SCNN1G: variants seen among roughly 807,000 people sequenced by gnomAD.
SCNN1G encodes the protein epithelial sodium channel subunit gamma.
In SCNN1G, 27 loss-of-function variants were observed where a neutral mutation model predicts 64.6. The ratio of observed to expected loss-of-function variants is 0.42; its 90% CI spans 0.31 to 0.58. The LOEUF (loss-of-function observed/expected upper bound fraction) is 0.58. SCNN1G is among the 20% of genes least tolerant of loss of function. The pLI is 0.18. For missense variants in SCNN1G, 743 were observed against 823.4 expected, an observed-to-expected ratio of 0.90 and a Z score of 1.19; for synonymous variants, 330 against 314.2, an observed-to-expected ratio of 1.05 and a Z score of -0.53.
chr16:23,191,625 C>T (rs58967626), intron 3 of SCNN1G, among the ~76,000 whole-genome samples: 22,355 of 152,078 alleles, frequency 0.15, 2,081 homozygotes, highest in Admixed American at 0.24. Flanking sequence ...GGGGTTTAGC[C>T]GTGTTGCCCG....
chr16:23,203,203 T>C (rs986520123), intron 6 of SCNN1G, among the ~76,000 whole-genome samples: 3 of 152,170 alleles, frequency 2.0e-5, no homozygotes, highest in Non-Finnish European at 4.4e-5. Context: ...GGCAAAAGTA[T>C]TCTCTGGTTT....
chr16:23,209,060 T>C (rs1960037977), intron 6 of SCNN1G, among the ~76,000 whole-genome samples: 2 of 152,184 alleles, frequency 1.3e-5, no homozygotes, highest in Admixed American at 1.3e-4. Flanking sequence ...TATTTTGCCA[T>C]TTTCAGCCAT....
chr16:23,186,127 T>A, intron 1 of SCNN1G, 101 bp from the exon 2 acceptor site: 1 of 756,984 alleles, frequency 1.3e-6, no homozygotes, highest in Non-Finnish European at 2.4e-6. Context: ...AGGAGGTCTC[T>A]AAGGGCGCAT....
At chr16:23,197,992 CACTA>C (rs1959825628) in intron 6 of SCNN1G, among the ~76,000 whole-genome samples, 1 of 152,282 alleles carries the variant, frequency 6.6e-6, no homozygotes. Flanking sequence ...GGCATTAGGA[CACTA>C]ACTATATATT....
chr16:23,192,290 G>GTA, intron 3 of SCNN1G, 62 bp from the exon 4 acceptor site: 10 of 1,332,688 alleles, frequency 7.5e-6, no homozygotes, highest in Non-Finnish European at 1.1e-5. Context: ...CATTCTTATG[G>GTA]TCCTTCTGAA....
In SCNN1G at chr16:23,194,533, C is replaced by G. The variant is rs376953647; in HGVS notation, c.913+259C>G. 3.3e-5 allele frequency among the ~76,000 whole-genome samples: 5 copies of G among 152,328 alleles called. No individual in the cohort carries two copies. The South Asian group carries it at 6.2e-4, about 19-fold the overall frequency. ...AGGGACATCACTGGGGTTCCTTCTGCTAGGGAACTACTCTGGTTTAAACTC... is the reference window on the plus strand; with the variant it reads ...AGGGACATCACTGGGGTTCCTTCTGGTAGGGAACTACTCTGGTTTAAACTC... On this transcript the variant is annotated intron_variant, in intron 5 of 12. Transcript: ENST00000300061.
intron 6 of SCNN1G, among the ~76,000 whole-genome samples, chr16:23,204,543 A>C (rs1256103419): frequency 6.8e-6 from 1 of 147,686 alleles, no homozygotes; most frequent in Non-Finnish European, 1.5e-5. Flanking sequence ...ATTATACACT[A>C]CTAGTACATT....
At chr16:23,206,070 A>G (rs1959985381) in intron 6 of SCNN1G, among the ~76,000 whole-genome samples, 1 of 152,218 alleles carries the variant, frequency 6.6e-6, no homozygotes, top group Non-Finnish European at 1.5e-5. Flanking sequence ...CTGGGAAACC[A>G]GCCTGCTTAC....
chr16:23,186,245 T>C lies in SCNN1G; in HGVS notation c.-27T>C. ...CCCTCCAGCACGCCCGTCCTCAGAG[T>C]CCCGTCCTCAAAGTCCCATCCTCGC... On this transcript the variant is annotated 5_prime_UTR_variant, in exon 2 of 13. Transcript: ENST00000300061. 6.2e-7 allele frequency: 1 copy of C among 1,612,872 alleles called. No homozygotes were observed. The highest frequency in any genetic ancestry group is 8.5e-7 in the Non-Finnish European group (1 of 1,179,146).
chr16:23,203,168 A>G (rs1959920186), intron 6 of SCNN1G, among the ~76,000 whole-genome samples: 1 of 152,346 alleles, frequency 6.6e-6, no homozygotes, highest in Admixed American at 6.5e-5. Flanking sequence ...AAGCAAGTAC[A>G]GTCGAGAGGT....
chr16:23,184,771 G>T (rs895973103), intron 1 of SCNN1G, among the ~76,000 whole-genome samples: 1 of 152,104 alleles, frequency 6.6e-6, no homozygotes, highest in Non-Finnish European at 1.5e-5. Context: ...AACTCTGCAG[G>T]TTCCGAATAC....
chr16:23,209,653 G>A (rs1960046590), intron 6 of SCNN1G, 97 bp from the exon 7 acceptor site: 1 of 870,248 alleles, frequency 1.1e-6, no homozygotes, highest in Non-Finnish European at 2.0e-6. Flanking sequence ...CAGCTCCCAA[G>A]GGCTGCTTGC....
At position 23,192,080 on chromosome 16, in the gene SCNN1G, G is replaced by A. The variant is rs1283370409; in HGVS notation, c.619-272G>A. Among the ~76,000 whole-genome samples the A allele has an allele frequency of 2.0e-5, 3 of 149,806 alleles. No individual in the cohort carries two copies. The Admixed American group carries it at 2.0e-4, about 10-fold the overall frequency. On this transcript the variant is annotated intron_variant, in intron 3 of 12. Coordinates refer to ENST00000300061, the MANE Select transcript of SCNN1G (RefSeq NM_001039.4). ...CCTAGGTGCCTAGGGACCCTGAAGAGCTGGTTTTGCTTCTTCCTTGGTGGG... is the reference window on the plus strand; with the variant it reads ...CCTAGGTGCCTAGGGACCCTGAAGAACTGGTTTTGCTTCTTCCTTGGTGGG...
chr16:23,187,241 T>C (rs1427798159), intron 2 of SCNN1G, among the ~76,000 whole-genome samples: 6 of 151,942 alleles, frequency 3.9e-5, no homozygotes, highest in Non-Finnish European at 7.4e-5. Context: ...CCTGAGTAGC[T>C]GGGACTATAG....
chr16:23,183,812 GTTA>G (rs1333765407), intron 1 of SCNN1G, among the ~76,000 whole-genome samples: 1 of 152,154 alleles, frequency 6.6e-6, no homozygotes, highest in Non-Finnish European at 1.5e-5. Context: ...CCCTGCTGCT[GTTA>G]TTATTATTAA....
At chr16:23,191,111 C>T (rs1292236545) in intron 3 of SCNN1G, among the ~76,000 whole-genome samples, 2 of 152,086 alleles carry the variant, frequency 1.3e-5, no homozygotes, top group East Asian at 3.9e-4. Context: ...TCCCAAACTG[C>T]TGAGATTACA....
At chr16:23,185,111 T>A (rs140760127) in intron 1 of SCNN1G, among the ~76,000 whole-genome samples, 21 of 152,332 alleles carry the variant, frequency 1.4e-4, no homozygotes, top group African/African-American at 4.8e-4. Flanking sequence ...CGGTGAAGGC[T>A]GCAGGGTTCC....
rs1462698431 is a variant in SCNN1G, at chr16:23,215,160, C to T, written c.1641C>T (p.Ile547=). The part of the protein sequence containing the change: ...LWMSCSVVCV[I]EIIEVFFIDF... ...TGAGCTGCTCTGTTGTCTGCGTCATCGAGATCATCGAGGTCTTCTTCATTG... is the reference window on the plus strand; with the variant it reads ...TGAGCTGCTCTGTTGTCTGCGTCATTGAGATCATCGAGGTCTTCTTCATTG... Residue 547 remains isoleucine, a synonymous_variant, in exon 13 of 13, where the codon ATC becomes ATT. Coordinates refer to ENST00000300061, the MANE Select transcript of SCNN1G (RefSeq NM_001039.4). 7.4e-6 allele frequency: 12 copies of T among 1,614,024 alleles called. No individual in the cohort carries two copies. The highest frequency in any genetic ancestry group is 1.7e-5 in the Admixed American group (1 of 60,008).
rs1317634759 is a variant in SCNN1G, at chr16:23,204,332, TATAGAG to T, written c.1078-5416_1078-5411del. ...ATATATATATATATATATATATATA[TATAGAG>T]AGAGAGAGAGAGAGAGAGAGAGAGA... On this transcript the variant is annotated intron_variant, in intron 6 of 12. Coordinates refer to ENST00000300061, the MANE Select transcript of SCNN1G (RefSeq NM_001039.4). 4.8e-3 allele frequency among the ~76,000 whole-genome samples: 120 copies of T among 25,134 alleles called. 3 individuals are homozygous for T. Among genetic ancestry groups the T allele is most frequent in the Non-Finnish European group, 5.7e-3 (82 of 14,362 alleles). The allele number at this position is 25,134 out of a possible 152,430, so 16.5% of individuals were successfully genotyped here.
Sources: allele counts gnomAD v4.1 joint callset (sites outside exome capture counted in the v4.1 genomes callset), GRCh38; gene constraint gnomAD v4.1.1; transcripts MANE v1.5; gene names NCBI Gene and HGNC (gene_info 2026-07-23, HGNC 2026-07-21).